LARP4B: variants seen among roughly 807,000 people sequenced by gnomAD.
The protein encoded by LARP4B is la-related protein 4B.
A neutral mutation model predicts 89.8 loss-of-function variants in LARP4B; 12 were observed. The observed-to-expected ratio is 0.13, with a 90% CI of 0.09 to 0.22. The LOEUF (loss-of-function observed/expected upper bound fraction) is 0.22, where lower values mean the gene tolerates loss of function less well. Among genes scored for constraint, LARP4B ranks in the 10% least tolerant of loss-of-function variants. The pLI is 1.00. For missense variants in LARP4B, 757 were observed against 947.7 expected, an observed-to-expected ratio of 0.80 and a Z score of 2.64; for synonymous variants, 367 against 363.3, an observed-to-expected ratio of 1.01 and a Z score of -0.12.
intron 1 of LARP4B, among the ~76,000 whole-genome samples, chr10:929,959 T>C (rs549085201): frequency 1.5e-4 from 23 of 152,254 alleles, no homozygotes; most frequent in African/African-American, 5.5e-4. Flanking sequence ...CTTATATGGT[T>C]TGATTACAAA....
chr10:862,012 A>G (rs1834636984), intron 5 of LARP4B, among the ~76,000 whole-genome samples: 1 of 152,190 alleles, frequency 6.6e-6, no homozygotes, highest in Admixed American at 6.5e-5. Context: ...ATGTTCTGCC[A>G]TTCCCAAGTC....
At chr10:866,910 C>A (rs2131855319) in intron 3 of LARP4B, among the ~76,000 whole-genome samples, 1 of 152,332 alleles carries the variant, frequency 6.6e-6, no homozygotes, top group East Asian at 1.9e-4. Context: ...CCTCCTATTC[C>A]AGGGTGGCAG....
rs1285552551 is a variant in LARP4B, at chr10:822,158, GC to G, written c.1485-1314del. Among the ~76,000 whole-genome samples the G allele has an allele frequency of 2.4e-4, 37 of 152,370 alleles. No individual in the cohort carries two copies. The highest frequency in any genetic ancestry group is 7.8e-4 in the Admixed American group (12 of 15,308). On this transcript the variant is annotated intron_variant, in intron 13 of 17. Transcript: ENST00000316157. The surrounding 1 kb of genome is among the most constrained non-coding windows in gnomAD (Gnocchi z 4.6). Reference sequence around the variant, plus strand: ...GATTCAGAAGTAGTGGAAAGGTGGGGCTACAATGACCCATGAGCAGAGCTAG... The same window carrying G: ...GATTCAGAAGTAGTGGAAAGGTGGGGTACAATGACCCATGAGCAGAGCTAG...
At chr10:906,313 C>G (rs1836492025) in intron 1 of LARP4B, among the ~76,000 whole-genome samples, 1 of 152,216 alleles carries the variant, frequency 6.6e-6, no homozygotes, top group African/African-American at 2.4e-5. Context: ...CCAAAGTTTT[C>G]AAATGAGTAA....
At chr10:892,723 T>C (rs1836068784) in intron 1 of LARP4B, among the ~76,000 whole-genome samples, 1 of 151,872 alleles carries the variant, frequency 6.6e-6, no homozygotes, top group Admixed American at 6.6e-5. Flanking sequence ...GTATTGTTAG[T>C]AGAGACGGGG....
the LARP4B span, among the ~76,000 whole-genome samples, chr10:946,848 C>A: frequency 6.6e-6 from 1 of 152,058 alleles, no homozygotes; most frequent in Non-Finnish European, 1.5e-5. Context: ...TGAGAACTTC[C>A]ATACTTTTGA....
chr10:962,637 A>G, the LARP4B span, among the ~76,000 whole-genome samples: 3 of 152,206 alleles, frequency 2.0e-5, no homozygotes. Context: ...TATAGACGGA[A>G]TCAAGGTCCC....
intron 1 of LARP4B, among the ~76,000 whole-genome samples, chr10:919,676 C>T (rs542613726): frequency 6.6e-6 from 1 of 152,298 alleles, no homozygotes; most frequent in South Asian, 2.1e-4. Flanking sequence ...CACAGCAAGT[C>T]ACATTATCTC....
the LARP4B span, among the ~76,000 whole-genome samples, chr10:977,138 T>A: frequency 6.6e-6 from 1 of 152,046 alleles, no homozygotes; most frequent in African/African-American, 2.4e-5. Context: ...GCTGAATTTA[T>A]TTTATTTATT....
intron 7 of LARP4B, among the ~76,000 whole-genome samples, chr10:837,885 A>G (rs1833308849): frequency 6.6e-6 from 1 of 152,222 alleles, no homozygotes; most frequent in Non-Finnish European, 1.5e-5. Flanking sequence ...AAAATTTACA[A>G]ATTGGACTAT....
At chr10:889,639 A>T (rs1835958259) in intron 1 of LARP4B, among the ~76,000 whole-genome samples, 1 of 152,174 alleles carries the variant, frequency 6.6e-6, no homozygotes, top group Non-Finnish European at 1.5e-5. Flanking sequence ...CTAGACACTA[A>T]ACTTCACATG....
intron 7 of LARP4B, 147 bp downstream of exon 7, chr10:842,785 C>T (rs1833587774): frequency 6.0e-6 from 4 of 668,612 alleles, no homozygotes. Context: ...ATTATTGGAC[C>T]TGGGCAGAAA....
At chr10:967,884 T>C in the LARP4B span, among the ~76,000 whole-genome samples, 1 of 152,182 alleles carries the variant, frequency 6.6e-6, no homozygotes, top group Non-Finnish European at 1.5e-5. Flanking sequence ...GTGTTTTTAG[T>C]AGAAACAGGG....
chr10:934,976 G>A (rs544049265), upstream of LARP4B, among the ~76,000 whole-genome samples: 31 of 152,240 alleles, frequency 2.0e-4, no homozygotes, highest in South Asian at 1.0e-3. Context: ...GACCTTCACC[G>A]GCTCCCCGTT....
chr10:980,013 C>T, the LARP4B span, among the ~76,000 whole-genome samples: 1 of 152,202 alleles, frequency 6.6e-6, no homozygotes, highest in African/African-American at 2.4e-5. Flanking sequence ...ATTGGGTAAA[C>T]ATTCCCATTC....
chr10:965,981 C>T, the LARP4B span, among the ~76,000 whole-genome samples: 3 of 151,610 alleles, frequency 2.0e-5, no homozygotes, highest in Admixed American at 6.6e-5. Flanking sequence ...TGGAGCATAA[C>T]GTTGTTTGAA....
the LARP4B span, among the ~76,000 whole-genome samples, chr10:942,945 C>CTTTT: frequency 2.3e-5 from 3 of 132,890 alleles, no homozygotes; most frequent in Non-Finnish European, 3.2e-5. Flanking sequence ...AAGCTGACTT[C>CTTTT]TTTTTTTTTT....
the LARP4B span, among the ~76,000 whole-genome samples, chr10:962,343 G>A: frequency 9.9e-5 from 15 of 151,148 alleles, no homozygotes; most frequent in South Asian, 1.9e-3. Context: ...TTTTGGGTTC[G>A]GGCCCAACAA....
the LARP4B span, among the ~76,000 whole-genome samples, chr10:957,482 A>G: frequency 2.6e-5 from 4 of 152,054 alleles, no homozygotes; most frequent in African/African-American, 4.8e-5. Context: ...TCATTACTCT[A>G]TTGGCAATTT....
Sources: gnomAD v4.1 joint callset for allele counts (sites outside exome capture counted in the v4.1 genomes callset) on GRCh38, gnomAD v4.1.1 for gene constraint, Gnocchi (gnomAD v3.1) non-coding constraint, MANE v1.5 for transcripts, NCBI Gene and HGNC (gene_info 2026-07-23, HGNC 2026-07-21) for gene names.